The following FILIP1L variants were observed in gnomAD, a reference collection of about 807,000 sequenced individuals.
The protein encoded by FILIP1L is filamin A-interacting protein 1-like.
Under a neutral mutation model 96.6 loss-of-function variants are expected in FILIP1L, and 55 were observed. The observed-to-expected ratio is 0.57, with a 90% CI of 0.46 to 0.71. The LOEUF is 0.71. Among genes scored for constraint, FILIP1L ranks in the 30% least tolerant of loss-of-function variants. FILIP1L has a pLI of 0.00. For synonymous variants in FILIP1L, 467 were observed against 473.9 expected (o/e 0.99, Z 0.19); for missense variants, 1,304 against 1,321.2 (o/e 0.99, Z 0.20).
chr3:99,971,814 T>C (rs918550754), intron 1 of FILIP1L, among the ~76,000 whole-genome samples: 1 of 152,196 alleles, frequency 6.6e-6, no homozygotes, highest in Non-Finnish European at 1.5e-5. Flanking sequence ...GGTTCCTAGC[T>C]TGAATGAATG....
intron 1 of FILIP1L, among the ~76,000 whole-genome samples, chr3:100,084,454 A>G (rs370569005): frequency 1.4e-4 from 22 of 152,350 alleles, no homozygotes; most frequent in African/African-American, 5.3e-4. Context: ...TTTCAGATAT[A>G]TAGAAAAACT....
chr3:99,970,743 T>TA lies in FILIP1L; in HGVS notation c.-10-39714dup, dbSNP rs749330338. ...AGGTAGAGTACTTAAGAGAGCGTGC[T>TA]ACGATAGACCTCAAAGGACTTTTTA... On this transcript the variant is annotated intron_variant, in intron 1 of 5. Transcript: ENST00000477258. Among the ~76,000 whole-genome samples, 6 of 152,200 alleles carry TA rather than the reference T, an allele frequency of 3.9e-5. No homozygotes were observed. In the Middle Eastern group the frequency reaches 0.01, roughly 259 times the overall value.
intron 1 of FILIP1L, among the ~76,000 whole-genome samples, chr3:100,015,724 A>C (rs1228816317): frequency 2.6e-5 from 4 of 152,162 alleles, no homozygotes; most frequent in Non-Finnish European, 1.5e-5. Flanking sequence ...TGCTTTCATC[A>C]AGCTGTAAGT....
At chr3:99,848,112 A>C in intron 5 of FILIP1L, 183 bp downstream of exon 5, 5 of 1,456,194 alleles carry the variant, frequency 3.4e-6, no homozygotes, top group Non-Finnish European at 4.5e-6. Context: ...ACTCGATATG[A>C]CTATGCAGGC....
chr3:100,103,899 C>G (rs2066351114), intron 1 of FILIP1L, among the ~76,000 whole-genome samples: 1 of 152,138 alleles, frequency 6.6e-6, no homozygotes, highest in Non-Finnish European at 1.5e-5. Flanking sequence ...AAATATCAAC[C>G]TTATTAATAA....
chr3:99,946,866 C>G (rs1708023388), intron 1 of FILIP1L, among the ~76,000 whole-genome samples: 1 of 152,124 alleles, frequency 6.6e-6, no homozygotes, highest in African/African-American at 2.4e-5. Flanking sequence ...CTGTCTCCAT[C>G]AAGGATACAG....
Position 99,929,584 on chromosome 3 carries a change from G to C in FILIP1L, c.426+272C>G, listed in dbSNP as rs575183811. On this transcript the variant is annotated intron_variant, in intron 3 of 5. Transcript: ENST00000477258. ...TGCATGTGTGTGTTTGTGTGTGTAT[G>C]TGCCTGCACATGCACGTGAGAGTGG... is the stretch of plus-strand genomic sequence containing the variant. 1.4e-3 allele frequency among the ~76,000 whole-genome samples: 209 copies of C among 152,116 alleles called. 1 individual carries two copies. Among genetic ancestry groups the C allele is most frequent in the Non-Finnish European group, 2.4e-3 (166 of 68,000 alleles).
chr3:99,856,798 C>T (rs1033794947), intron 4 of FILIP1L, among the ~76,000 whole-genome samples: 1 of 152,176 alleles, frequency 6.6e-6, no homozygotes, highest in Non-Finnish European at 1.5e-5. Context: ...TATGTCAGCA[C>T]AGATGTGTGC....
chr3:99,872,269 C>CTCTGTGTGTGTGTGTG (rs1457646701), intron 4 of FILIP1L, among the ~76,000 whole-genome samples: 1 of 110,740 alleles, frequency 9.0e-6, no homozygotes, highest in Non-Finnish European at 1.9e-5. Flanking sequence ...TGTGCCAGGA[C>CTCTGTGTGTGTGTGTG]TGTGTGTGTG....
At chr3:99,855,067 T>C (rs1198541655) in intron 4 of FILIP1L, among the ~76,000 whole-genome samples, 1 of 152,224 alleles carries the variant, frequency 6.6e-6, no homozygotes, top group Non-Finnish European at 1.5e-5. Flanking sequence ...ACCATTTACA[T>C]GTCAGATGTT....
At chr3:99,960,229 G>C (rs1559704331) in intron 1 of FILIP1L, among the ~76,000 whole-genome samples, 1 of 152,126 alleles carries the variant, frequency 6.6e-6, no homozygotes. Flanking sequence ...TGTTTTTCTA[G>C]TTAGAGTAGC....
chr3:99,994,751 G>T (rs945622138), intron 1 of FILIP1L, among the ~76,000 whole-genome samples: 1 of 152,130 alleles, frequency 6.6e-6, no homozygotes, highest in African/African-American at 2.4e-5. Flanking sequence ...GAGGCAAAAG[G>T]CACTTCTTAC....
At chr3:99,918,658 T>TA (rs1170142450) in intron 4 of FILIP1L, among the ~76,000 whole-genome samples, 2 of 152,038 alleles carry the variant, frequency 1.3e-5, no homozygotes, top group Admixed American at 1.3e-4. Context: ...TGTTGAAAGT[T>TA]AAGTCATGAT....
intron 1 of FILIP1L, among the ~76,000 whole-genome samples, chr3:99,989,097 G>A (rs2107124929): frequency 6.6e-6 from 1 of 152,316 alleles, no homozygotes; most frequent in South Asian, 2.1e-4. Context: ...TTCACTCACA[G>A]TTCATAGGGT....
chr3:100,012,676 G>C (rs557574997), intron 1 of FILIP1L, among the ~76,000 whole-genome samples: 30 of 151,746 alleles, frequency 2.0e-4, no homozygotes, highest in African/African-American at 6.0e-4. Flanking sequence ...ATACATGGTT[G>C]CCCCAATTAT....
rs558535007 is a variant in FILIP1L, at chr3:99,996,768, A to G, written c.-10-65738T>C. ...GATCTCGTGAGACTTACTCACTACC[A>G]TGAGAACAGTATGGGGAAAACCGGC... On this transcript the variant is annotated intron_variant, in intron 1 of 5. Coordinates refer to ENST00000477258, the MANE Select transcript of FILIP1L (RefSeq NM_001387850.1). 6.6e-5 allele frequency among the ~76,000 whole-genome samples: 10 copies of G among 152,194 alleles called. No homozygotes were observed. The East Asian group carries it at 1.9e-3, about 29-fold the overall frequency.
chr3:99,858,556 C>G (rs1312152858), intron 4 of FILIP1L, among the ~76,000 whole-genome samples: 1 of 152,110 alleles, frequency 6.6e-6, no homozygotes, highest in Non-Finnish European at 1.5e-5. Context: ...TGAAAAAATA[C>G]TTTTACAAAA....
chr3:99,962,393 G>T (rs1419597741), intron 1 of FILIP1L, among the ~76,000 whole-genome samples: 2 of 152,104 alleles, frequency 1.3e-5, no homozygotes, highest in African/African-American at 4.8e-5. Context: ...CAACATAAAA[G>T]GTTCTGCATG....
At chr3:99,957,693 C>CTTTCTT (rs1708364770) in intron 1 of FILIP1L, among the ~76,000 whole-genome samples, 1 of 19,890 alleles carries the variant, frequency 5.0e-5, no homozygotes, top group African/African-American at 1.7e-4. Context: ...TTCTTTCTTT[C>CTTTCTT]TTTTTTTTTT....
Sources: gnomAD v4.1 joint callset for allele counts (sites outside exome capture counted in the v4.1 genomes callset) on GRCh38, gnomAD v4.1.1 for gene constraint, MANE v1.5 for transcripts, NCBI Gene and HGNC (gene_info 2026-07-23, HGNC 2026-07-21) for gene names.